KCNK9: variants seen among roughly 807,000 people sequenced by gnomAD.
The protein encoded by KCNK9 is potassium channel subfamily K member 9.
In KCNK9, 1 loss-of-function variant was observed where a neutral mutation model predicts 10.8. The ratio of observed to expected loss-of-function variants is 0.09; its 90% CI spans 0.03 to 0.44. The LOEUF (loss-of-function observed/expected upper bound fraction) is 0.44, where lower values mean the gene tolerates loss of function less well. Among genes scored for constraint, KCNK9 ranks in the 20% least tolerant of loss-of-function variants. The pLI is 0.97. For synonymous variants in KCNK9, 231 were observed against 222.7 expected, an observed-to-expected ratio of 1.04 and a Z score of -0.33; for missense variants, 303 against 515.0, an observed-to-expected ratio of 0.59 and a Z score of 3.98.
At chr8:139,604,820 G>A (rs918382267) in intron 2 of KCNK9, among the ~76,000 whole-genome samples, 3 of 152,216 alleles carry the variant, frequency 2.0e-5, no homozygotes, top group Admixed American at 1.3e-4. Flanking sequence ...GGAAAGAGGA[G>A]GCATGGCCTC....
At chr8:139,636,272 T>C (rs1482441714) in intron 1 of KCNK9, among the ~76,000 whole-genome samples, 1 of 152,258 alleles carries the variant, frequency 6.6e-6, no homozygotes, top group Non-Finnish European at 1.5e-5. Flanking sequence ...CTGTCACAGT[T>C]CACGCAGTTC....
chr8:139,671,003 C>A (rs191948244), intron 1 of KCNK9, among the ~76,000 whole-genome samples: 9 of 152,190 alleles, frequency 5.9e-5, no homozygotes, highest in Admixed American at 5.2e-4. Context: ...CCAAGCCATG[C>A]GGAGAACCTC....
At chr8:139,606,169 A>C (rs1817483109) in intron 2 of KCNK9, among the ~76,000 whole-genome samples, 1 of 152,160 alleles carries the variant, frequency 6.6e-6, no homozygotes, top group African/African-American at 2.4e-5. Context: ...GGTCCTGGTA[A>C]GGGTCCGGGA....
Position 139,702,933 on chromosome 8 carries a change from C to T in KCNK9, c.60G>A (p.Leu20=), listed in dbSNP as rs1817264564. The T allele has an allele frequency of 1.2e-6, 2 of 1,612,882 alleles. No homozygotes were observed. The highest frequency in any genetic ancestry group is 1.7e-6 in the Non-Finnish European group (2 of 1,179,610). ...SLIVCTFTYL[L]VGAAVFDALE... ...GGGCGTCGAACACGGCGGCGCCCAC[C>T]AGCAGGTAGGTGAAGGTGCAGACGA... The change falls in exon 1 of 2, where the codon CTG becomes CTA. Residue 20 remains leucine (L), a synonymous_variant. Transcript: ENST00000520439. The surrounding 1 kb of genome is among the most constrained non-coding windows in gnomAD (Gnocchi z 7.5).
chr8:139,657,798 G>T (rs1286065755), intron 1 of KCNK9, among the ~76,000 whole-genome samples: 1 of 152,158 alleles, frequency 6.6e-6, no homozygotes, highest in East Asian at 1.9e-4. Context: ...CCTCACAGAG[G>T]AGGGACGTTA....
At chr8:139,692,776 C>T (rs549410110) in intron 1 of KCNK9, among the ~76,000 whole-genome samples, 1 of 152,218 alleles carries the variant, frequency 6.6e-6, no homozygotes, top group African/African-American at 2.4e-5. Context: ...TCAGCTCCCC[C>T]CCACGTCCAA....
chr8:139,659,543 G>A (rs372905455), intron 1 of KCNK9, among the ~76,000 whole-genome samples: 38 of 152,180 alleles, frequency 2.5e-4, no homozygotes, highest in East Asian at 1.5e-3. Flanking sequence ...ACGGAGTCTC[G>A]CTCTGTCACC....
rs1483350793 is a variant in KCNK9, at chr8:139,618,321, G to A, written c.1062C>T (p.Ile354=). 6.2e-7 allele frequency: 1 copy of A among 1,614,218 alleles called. No homozygotes were observed. The highest frequency in any genetic ancestry group is 8.5e-7 in the Non-Finnish European group (1 of 1,180,034). ...NSLFPSPISS[I]SPGLHSFTDH... ...CGGTAAAGCTGTGTAACCCAGGAGA[G>A]ATGGAGCTAATAGGCGATGGGAAGA... The change falls in exon 2 of 2, where the codon ATC becomes ATT. Residue 354 remains isoleucine, a synonymous_variant. Coordinates refer to ENST00000520439, the MANE Select transcript of KCNK9 (RefSeq NM_001282534.2). This position sits in a 1 kb window ranked among gnomAD's most constrained non-coding sequence, Gnocchi z 7.9.
chr8:139,656,071 G>A (rs991217817), intron 1 of KCNK9, among the ~76,000 whole-genome samples: 1 of 152,170 alleles, frequency 6.6e-6, no homozygotes, highest in East Asian at 1.9e-4. Context: ...AAACAATTCA[G>A]TACTCCCTCT....
intron 2 of KCNK9, among the ~76,000 whole-genome samples, chr8:139,605,605 A>C (rs1817468775): frequency 6.6e-6 from 1 of 152,234 alleles, no homozygotes; most frequent in African/African-American, 2.4e-5. Flanking sequence ...AACCTTTCTC[A>C]GTGAAGAAAG....
At chr8:139,612,331 T>C (rs1166769610), downstream of KCNK9, 1 of 152,184 alleles carries the variant, frequency 6.6e-6, no homozygotes, top group African/African-American at 2.4e-5. Context: ...GGTCACAAAG[T>C]ATAGCCCTTA....
At chr8:139,612,856 C>G (rs75305151), downstream of KCNK9, among the ~76,000 whole-genome samples, 36 of 152,184 alleles carry the variant, frequency 2.4e-4, no homozygotes, top group African/African-American at 8.7e-4. Context: ...GATCACAGGG[C>G]ATTATTCTAT....
At chr8:139,677,481 A>G (rs1816574837) in intron 1 of KCNK9, among the ~76,000 whole-genome samples, 1 of 152,166 alleles carries the variant, frequency 6.6e-6, no homozygotes, top group African/African-American at 2.4e-5. Flanking sequence ...AACCCCAAGC[A>G]GCAGCTCAGG....
At chr8:139,696,812 G>A (rs1431278798) in intron 1 of KCNK9, among the ~76,000 whole-genome samples, 2 of 151,584 alleles carry the variant, frequency 1.3e-5, no homozygotes, top group African/African-American at 4.9e-5. Context: ...TGGGTAAGTG[G>A]GTTGGTGGGT....
At chr8:139,635,726 C>T (rs1459255554) in intron 1 of KCNK9, among the ~76,000 whole-genome samples, 1 of 152,102 alleles carries the variant, frequency 6.6e-6, no homozygotes, top group Non-Finnish European at 1.5e-5. Flanking sequence ...CAAAAGAAAG[C>T]TAAAGAAGCA....
rs977754069 is a variant in KCNK9 at position 139,702,310 on chromosome 8, C to G, written c.283+400G>C. On this transcript the variant is annotated intron_variant, in intron 1 of 1. Transcript: ENST00000520439. The surrounding 1 kb of genome is among the most constrained non-coding windows in gnomAD (Gnocchi z 7.5). ...GTGCCAGGCCAGCCCTCTCCAACTCCCAGAGAGGTAGTAAGTGTAAGGCTC... is the reference window on the plus strand; with the variant it reads ...GTGCCAGGCCAGCCCTCTCCAACTCGCAGAGAGGTAGTAAGTGTAAGGCTC... 1.3e-5 allele frequency among the ~76,000 whole-genome samples: 2 copies of G among 152,188 alleles called. No homozygotes were observed. The highest frequency in any genetic ancestry group is 2.9e-5 in the Non-Finnish European group (2 of 68,024).
intron 1 of KCNK9, among the ~76,000 whole-genome samples, chr8:139,642,656 C>G (rs944222216): frequency 2.6e-5 from 4 of 152,252 alleles, no homozygotes; most frequent in African/African-American, 9.6e-5. Context: ...GGGGAGCAGC[C>G]ACTTCCACTG....
chr8:139,702,750 G>C lies in KCNK9; in HGVS notation c.243C>G (p.Ala81=). The change falls in exon 1 of 2, where the codon GCC becomes GCG. Residue 81 remains alanine (A), a synonymous_variant. Transcript: ENST00000520439. The surrounding 1 kb of genome is among the most constrained non-coding windows in gnomAD (Gnocchi z 7.5). ...CCGTGATCGCAAAGTAGAAGGAGCC[G>C]GCGAATTTCCACTGGACGCCGGCGC... ...PHRAGVQWKF[A]GSFYFAITVI... is the part of the protein sequence containing the mutation. The C allele has an allele frequency of 6.2e-7, 1 of 1,612,832 alleles. No individual in the cohort carries two copies.
At chr8:139,630,247 T>G (rs1815121062) in intron 1 of KCNK9, among the ~76,000 whole-genome samples, 2 of 152,212 alleles carry the variant, frequency 1.3e-5, no homozygotes, top group African/African-American at 4.8e-5. Flanking sequence ...TTATTTTTAA[T>G]GCTTCTAAGC....
Sources: allele counts gnomAD v4.1 joint callset (sites outside exome capture counted in the v4.1 genomes callset), GRCh38; gene constraint gnomAD v4.1.1; non-coding constraint Gnocchi (gnomAD v3.1); transcripts MANE v1.5; gene names NCBI Gene and HGNC (gene_info 2026-07-23, HGNC 2026-07-21).